Variants in CFAP96 observed in about 807,000 individuals in gnomAD.
CFAP96 encodes the protein cilia and flagella associated protein 96.
chr4:185,436,035 T>A, the CFAP96 span: 1 of 1,501,686 alleles, frequency 6.7e-7, no homozygotes, highest in South Asian at 1.4e-5. Flanking sequence ...CATCAAAAAA[T>A]TGTATTTAAG....
chr4:185,432,732 A>G, the CFAP96 span, among the ~76,000 whole-genome samples: 18 of 152,034 alleles, frequency 1.2e-4, no homozygotes, highest in Non-Finnish European at 2.1e-4. Context: ...TGTGGTAGCA[A>G]TGTGCCTGTA....
chr4:185,426,666 C>T, the CFAP96 span, among the ~76,000 whole-genome samples: 1 of 152,208 alleles, frequency 6.6e-6, no homozygotes, highest in Non-Finnish European at 1.5e-5. Context: ...AGCAAGCTTG[C>T]CCCGAAGGGG....
At chr4:185,414,016 C>T in the CFAP96 span, 1 of 658,538 alleles carries the variant, frequency 1.5e-6, no homozygotes, top group Non-Finnish European at 2.3e-6. Context: ...TCACTAACAT[C>T]AAAGATGGTG....
chr4:185,426,168 T>G, the CFAP96 span: 1 of 474,778 alleles, frequency 2.1e-6, no homozygotes. Flanking sequence ...AATCTCCTCG[T>G]ATCCTCCCAC....
At chr4:185,419,311 T>C in the CFAP96 span, among the ~76,000 whole-genome samples, 3 of 152,166 alleles carry the variant, frequency 2.0e-5, no homozygotes, top group Non-Finnish European at 4.4e-5. Context: ...TTTGTATTTT[T>C]AGTAGAGACG....
At chr4:185,437,577 CA>C in the CFAP96 span, among the ~76,000 whole-genome samples, 5 of 152,102 alleles carry the variant, frequency 3.3e-5, no homozygotes, top group Non-Finnish European at 5.9e-5. Context: ...TGGGCATGTC[CA>C]AACTCAGGAA....
the CFAP96 span, among the ~76,000 whole-genome samples, chr4:185,412,143 A>G: frequency 2.0e-5 from 3 of 152,218 alleles, no homozygotes; most frequent in African/African-American, 7.2e-5. Flanking sequence ...TGCATATGTT[A>G]TATGTACATA....
the CFAP96 span, among the ~76,000 whole-genome samples, chr4:185,419,365 C>T: frequency 2.6e-5 from 4 of 152,246 alleles, no homozygotes; most frequent in East Asian, 1.9e-4. Flanking sequence ...CTCCTGACCT[C>T]GTGATCCACC....
the CFAP96 span, among the ~76,000 whole-genome samples, chr4:185,447,186 C>CTTT: frequency 3.6e-5 from 5 of 139,668 alleles, no homozygotes; most frequent in African/African-American, 1.0e-4. Flanking sequence ...TATATTTTTT[C>CTTT]TTTTTTTTTT....
At chr4:185,443,342 A>ATATATATTTTTTTTTTTTTTTTT in the CFAP96 span, among the ~76,000 whole-genome samples, 1 of 26,730 alleles carries the variant, frequency 3.7e-5, no homozygotes, top group African/African-American at 1.2e-4. Context: ...ATATATATAT[A>ATATATATTTTTTTTTTTTTTTTT]TTTTTTTTTT....
At chr4:185,418,342 C>T in the CFAP96 span, 3 of 892,800 alleles carry the variant, frequency 3.4e-6, no homozygotes, top group South Asian at 5.5e-5. Context: ...AATATTCTGA[C>T]CTATGATAAG....
At chr4:185,421,017 T>A in the CFAP96 span, among the ~76,000 whole-genome samples, 1 of 152,218 alleles carries the variant, frequency 6.6e-6, no homozygotes, top group Non-Finnish European at 1.5e-5. Flanking sequence ...TAAAGTAACA[T>A]TTTAGGAACA....
chr4:185,410,681 T>C, the CFAP96 span, among the ~76,000 whole-genome samples: 5 of 148,420 alleles, frequency 3.4e-5, no homozygotes, highest in Non-Finnish European at 3.0e-5. Flanking sequence ...GCGCAGTGGC[T>C]CACGCCTGTA....
At chr4:185,434,437 C>T in the CFAP96 span, among the ~76,000 whole-genome samples, 1 of 151,550 alleles carries the variant, frequency 6.6e-6, no homozygotes, top group East Asian at 1.9e-4. Context: ...ATAACTTTTT[C>T]CTAGTTTTCA....
At chr4:185,447,587 G>A in the CFAP96 span, among the ~76,000 whole-genome samples, 34 of 152,290 alleles carry the variant, frequency 2.2e-4, no homozygotes, top group Admixed American at 1.4e-3. Context: ...TGTCACTAGC[G>A]TTAACTACAG....
the CFAP96 span, among the ~76,000 whole-genome samples, chr4:185,417,363 T>C: frequency 6.6e-6 from 1 of 152,230 alleles, no homozygotes; most frequent in Non-Finnish European, 1.5e-5. Context: ...TCTGTAAATC[T>C]AACAGCTCAT....
chr4:185,414,537 G>A, the CFAP96 span, among the ~76,000 whole-genome samples: 1 of 152,072 alleles, frequency 6.6e-6, no homozygotes, highest in African/African-American at 2.4e-5. Context: ...ACATACAGAG[G>A]GTCAGGGTAT....
At chr4:185,448,106 T>C in the CFAP96 span, among the ~76,000 whole-genome samples, 1 of 151,622 alleles carries the variant, frequency 6.6e-6, no homozygotes, top group South Asian at 2.1e-4. Context: ...CTGCAACCTC[T>C]GCCTCCCAGG....
the CFAP96 span, chr4:185,432,341 T>C: frequency 4.6e-6 from 3 of 650,554 alleles, no homozygotes; most frequent in Admixed American, 6.1e-5. Flanking sequence ...TGGAGATAGT[T>C]GTATTGGATG....
Sources: gnomAD v4.1 joint callset for allele counts (sites outside exome capture counted in the v4.1 genomes callset) on GRCh38, gnomAD v4.1.1 for gene constraint, MANE v1.5 for transcripts, NCBI Gene and HGNC (gene_info 2026-07-23, HGNC 2026-07-21) for gene names.